Variants in AEBP2 observed in about 807,000 individuals in gnomAD.
The protein encoded by AEBP2 is zinc finger protein AEBP2.
AEBP2 carries 10 observed loss-of-function variants against 50.8 expected under a neutral mutation model. The observed-to-expected ratio is 0.20, with a 90% CI of 0.12 to 0.33. AEBP2 has a LOEUF of 0.33. Among genes scored for constraint, AEBP2 ranks in the 10% least tolerant of loss-of-function variants. The pLI is 1.00. For synonymous variants in AEBP2, 296 were observed against 261.3 expected, an observed-to-expected ratio of 1.13 and a Z score of -1.28; for missense variants, 570 against 688.0, an observed-to-expected ratio of 0.83 and a Z score of 1.92.
chr12:19,495,943 T>A (rs929958749), intron 4 of AEBP2, among the ~76,000 whole-genome samples: 1 of 152,178 alleles, frequency 6.6e-6, no homozygotes, highest in Non-Finnish European at 1.5e-5. Context: ...AAACAGAAAT[T>A]TAGCATTGCG....
intron 1 of AEBP2, chr12:19,456,877 A>G: frequency 1.3e-6 from 2 of 1,493,944 alleles, no homozygotes; most frequent in Non-Finnish European, 1.9e-6. Flanking sequence ...ATTTTTGTAG[A>G]CATCCTGGAG....
intron 1 of AEBP2, among the ~76,000 whole-genome samples, chr12:19,452,961 C>CTTT (rs34876719): frequency 0.02 from 2,179 of 106,740 alleles, 27 homozygotes; most frequent in Non-Finnish European, 0.028. Context: ...GACTTACGTT[C>CTTT]TTTTTTTTTT....
Position 19,521,196 on chromosome 12 carries a change from CAT to C in AEBP2, c.*3081_*3082del, listed in dbSNP as rs946768240. The C allele has an allele frequency of 6.6e-6, 1 of 152,150 alleles. No homozygotes were observed. The highest frequency in any genetic ancestry group is 2.4e-5 in the African/African-American group (1 of 41,446). The allele number at this position is 152,150 out of a possible 1,614,324, so 9.4% of individuals were successfully genotyped here. A position where few individuals can be genotyped will look rare whatever the true frequency, so the allele number is the denominator to read the frequency against. On this transcript the variant is annotated 3_prime_UTR_variant, in exon 8 of 8. Coordinates refer to ENST00000266508, the MANE Select transcript of AEBP2 (RefSeq NM_153207.5). Reference sequence around the variant, plus strand: ...GTCTAGTTGACAAAAAGTTTGGAAACATAAACTTAGACCACACAACTTGCATT... The same window carrying C: ...GTCTAGTTGACAAAAAGTTTGGAAACAAACTTAGACCACACAACTTGCATT...
intron 7 of AEBP2, 39 bp downstream of exon 7, chr12:19,514,823 T>A: frequency 6.7e-7 from 1 of 1,489,824 alleles, no homozygotes; most frequent in Non-Finnish European, 9.2e-7. Flanking sequence ...CTTTTTGATT[T>A]GTAATTTTCT....
At chr12:19,512,697 C>G (rs924390539) in intron 6 of AEBP2, among the ~76,000 whole-genome samples, 2 of 151,650 alleles carry the variant, frequency 1.3e-5, no homozygotes, top group Non-Finnish European at 2.9e-5. Context: ...GGCGGTGGCT[C>G]ACACCTGTAA....
At position 19,459,526 on chromosome 12, in the gene AEBP2, C is replaced by T. The variant is rs892920814; in HGVS notation, c.672-2984C>T. Among the ~76,000 whole-genome samples the T allele has an allele frequency of 2.6e-5, 4 of 152,120 alleles. No homozygotes were observed. The South Asian group carries it at 6.2e-4, about 24-fold the overall frequency. ...GATTACAGGCGTGAGCCACCGCGCC[C>T]GGCCGGGGGAAACTTGAAATTTCTA... On this transcript the variant is annotated intron_variant, in intron 1 of 7. Coordinates refer to ENST00000266508, the MANE Select transcript of AEBP2 (RefSeq NM_153207.5).
At chr12:19,497,531 G>A (rs552110034) in intron 4 of AEBP2, among the ~76,000 whole-genome samples, 2 of 151,924 alleles carry the variant, frequency 1.3e-5, no homozygotes, top group African/African-American at 4.8e-5. Context: ...GGAGTGCAGT[G>A]GTGCAATCTT....
chr12:19,504,387 C>CT (rs1491460957), intron 5 of AEBP2, among the ~76,000 whole-genome samples: 12 of 151,476 alleles, frequency 7.9e-5, no homozygotes, highest in Admixed American at 7.2e-4. Flanking sequence ...GGCGCCCCCC[C>CT]CACCACGCCT....
intron 3 of AEBP2, among the ~76,000 whole-genome samples, chr12:19,484,594 C>T (rs537972768): frequency 6.6e-5 from 10 of 152,080 alleles, no homozygotes; most frequent in African/African-American, 2.4e-4. Context: ...AGGATGGTCT[C>T]GATCTCTTGA....
intron 4 of AEBP2, among the ~76,000 whole-genome samples, chr12:19,495,161 C>T (rs574052523): frequency 6.6e-6 from 1 of 152,152 alleles, no homozygotes; most frequent in East Asian, 1.9e-4. Flanking sequence ...CCTTGGCCTC[C>T]CAAAGTGCTG....
rs1325250039 is a variant in AEBP2 at position 19,440,084 on chromosome 12, A to G, written c.385A>G (p.Ser129Gly). 1 of 1,509,410 alleles carries G rather than the reference A, an allele frequency of 6.6e-7. No homozygotes were observed. The highest frequency in any genetic ancestry group is 2.7e-5 in the East Asian group (1 of 37,590). The allele number at this position is 1,509,410 out of a possible 1,614,324, so 93.5% of individuals were successfully genotyped here. Residue 129 changes from serine (S) to glycine (G), a missense_variant, in exon 1 of 8, where the codon AGC becomes GGC. By Grantham distance (56) the Ser-to-Gly change is moderately conservative. Around this residue, in one of 2 missense-constraint regions of AEBP2, gnomAD observed 386 missense variants for 336.8 expected, o/e 1.15. Coordinates refer to ENST00000266508, the MANE Select transcript of AEBP2 (RefSeq NM_153207.5). ...TAGCGCCGAGAGCCTGGTGGGCAGC[A>G]GCGGCGGGAGCAGCAGCGACGAGAC... is the stretch of plus-strand genomic sequence containing the variant. ...ESSAESLVGS[S>G]GGSSSDETRS...
intron 3 of AEBP2, among the ~76,000 whole-genome samples, chr12:19,477,202 T>C (rs2153373128): frequency 6.6e-6 from 1 of 152,348 alleles, no homozygotes; most frequent in South Asian, 2.1e-4. Flanking sequence ...ACAAGCTTTT[T>C]GGATGAGTCT....
chr12:19,440,334 A>T lies in AEBP2; in HGVS notation c.635A>T (p.Asp212Val). 1.4e-6 allele frequency: 2 copies of T among 1,465,750 alleles called. No homozygotes were observed. The highest frequency in any genetic ancestry group is 2.6e-5 in the East Asian group (1 of 39,148). The allele number at this position is 1,465,750 out of a possible 1,614,324, so 90.8% of individuals were successfully genotyped here. ...GRRGSLEMSSDGEPLSRMDSE... is the reference protein window; with the variant it reads ...GRRGSLEMSSVGEPLSRMDSE... ...CGGGGCAGCTTGGAGATGTCGTCGG[A>T]TGGGGAACCCCTGAGCCGCATGGAC... Residue 212 changes from aspartate (D) to valine (V), a missense_variant, in exon 1 of 8, where the codon GAT becomes GTT. Asp to Val is a radical substitution (Grantham distance 152, BLOSUM62 -3). Coordinates refer to ENST00000266508, the MANE Select transcript of AEBP2 (RefSeq NM_153207.5).
chr12:19,463,747 C>T (rs1948421355), intron 2 of AEBP2, among the ~76,000 whole-genome samples: 1 of 144,224 alleles, frequency 6.9e-6, no homozygotes, highest in Non-Finnish European at 1.5e-5. Context: ...GATCTCAGCT[C>T]ACCGCAGCCT....
chr12:19,500,948 A>C (rs1320348431), intron 5 of AEBP2, among the ~76,000 whole-genome samples: 1 of 152,116 alleles, frequency 6.6e-6, no homozygotes, highest in East Asian at 1.9e-4. Context: ...AAATTGGTGT[A>C]GTTTGGTGTA....
intron 1 of AEBP2, among the ~76,000 whole-genome samples, chr12:19,412,819 G>GC (rs77821381): frequency 0.071 from 10,794 of 152,242 alleles, 461 homozygotes; most frequent in South Asian, 0.19. Context: ...CAAAGTGAAA[G>GC]CAAGTTTATT....
chr12:19,422,598 G>A (rs1466564280), intron 1 of AEBP2, among the ~76,000 whole-genome samples: 12 of 151,898 alleles, frequency 7.9e-5, no homozygotes, highest in Non-Finnish European at 1.8e-4. Flanking sequence ...CCGGATTCAA[G>A]CGATTCTCCT....
intron 1 of AEBP2, among the ~76,000 whole-genome samples, chr12:19,443,696 G>A (rs928104751): frequency 6.6e-6 from 1 of 151,986 alleles, no homozygotes; most frequent in Non-Finnish European, 1.5e-5. Flanking sequence ...GCACTCCAGC[G>A]TGGGCGACAG....
intron 1 of AEBP2, among the ~76,000 whole-genome samples, chr12:19,410,528 A>G (rs915777864): frequency 2.0e-5 from 3 of 152,110 alleles, no homozygotes; most frequent in Admixed American, 6.6e-5. Flanking sequence ...GAGACAGCCA[A>G]TTCGAATACC....
Sources: allele counts gnomAD v4.1 joint callset (sites outside exome capture counted in the v4.1 genomes callset), GRCh38; gene constraint gnomAD v4.1.1; regional missense constraint gnomAD v4.1.1; transcripts MANE v1.5; gene names NCBI Gene and HGNC (gene_info 2026-07-23, HGNC 2026-07-21).